ZNG1A: variants seen among roughly 807,000 people sequenced by gnomAD.
ZNG1A encodes zinc-regulated GTPase metalloprotein activator 1A.
At chr9:133,310 G>A in the ZNG1A span, among the ~76,000 whole-genome samples, 3 of 66,060 alleles carry the variant, frequency 4.5e-5, 1 homozygote, top group African/African-American at 1.9e-4. Flanking sequence ...TCCTACAGAG[G>A]TTACAAAAAT....
the ZNG1A span, among the ~76,000 whole-genome samples, chr9:175,235 G>A: frequency 2.0e-5 from 3 of 151,986 alleles, no homozygotes; most frequent in African/African-American, 4.8e-5. Flanking sequence ...AAAATTATCT[G>A]GGCATGGTGG....
At chr9:178,229 T>G in the ZNG1A span, among the ~76,000 whole-genome samples, 1 of 150,678 alleles carries the variant, frequency 6.6e-6, no homozygotes, top group African/African-American at 2.5e-5. Context: ...CGTTCTTAGT[T>G]TGAGAAATAG....
chr9:128,411 TA>T, the ZNG1A span, among the ~76,000 whole-genome samples: 1 of 152,018 alleles, frequency 6.6e-6, no homozygotes, highest in Non-Finnish European at 1.5e-5. Flanking sequence ...TGGATTCGGT[TA>T]ATTAGGAGAC....
chr9:127,042 G>A, the ZNG1A span, among the ~76,000 whole-genome samples: 1 of 152,112 alleles, frequency 6.6e-6, no homozygotes. Context: ...GTCTGACAGA[G>A]TGCTTGATAT....
the ZNG1A span, chr9:160,251 T>C: frequency 2.2e-6 from 1 of 450,824 alleles, no homozygotes; most frequent in East Asian, 6.9e-5. Context: ...GGCCACAGGG[T>C]ACCATTTCTC....
At chr9:168,553 G>A in the ZNG1A span, among the ~76,000 whole-genome samples, 2 of 150,270 alleles carry the variant, frequency 1.3e-5, no homozygotes, top group Non-Finnish European at 2.9e-5. Context: ...AGCCCGGCCA[G>A]CAACAGATTT....
the ZNG1A span, among the ~76,000 whole-genome samples, chr9:173,722 T>C: frequency 6.6e-6 from 1 of 152,146 alleles, no homozygotes; most frequent in African/African-American, 2.4e-5. Context: ...TTTTATATAC[T>C]GGATTTTGTA....
At chr9:166,248 G>A in the ZNG1A span, 22,161 of 133,554 alleles carry the variant, frequency 0.17, 1,589 homozygotes, top group East Asian at 0.34. Context: ...AGAGAGCAGA[G>A]CCTAAAAGCC....
the ZNG1A span, among the ~76,000 whole-genome samples, chr9:174,309 C>T: frequency 6.6e-6 from 1 of 152,016 alleles, no homozygotes; most frequent in Non-Finnish European, 1.5e-5. Flanking sequence ...CAGTGAAGTT[C>T]TAAAAGCCCA....
At chr9:121,505 A>T in the ZNG1A span, 2 of 1,611,506 alleles carry the variant, frequency 1.2e-6, no homozygotes, top group Non-Finnish European at 8.5e-7. Context: ...CGTGTTGTCC[A>T]CTGCTTTTCT....
At chr9:127,040 G>C in the ZNG1A span, among the ~76,000 whole-genome samples, 1 of 152,134 alleles carries the variant, frequency 6.6e-6, no homozygotes, top group Non-Finnish European at 1.5e-5. Flanking sequence ...TGGTCTGACA[G>C]AGTGCTTGAT....
chr9:139,709 G>C, the ZNG1A span, among the ~76,000 whole-genome samples: 2 of 151,702 alleles, frequency 1.3e-5, no homozygotes, highest in Non-Finnish European at 2.9e-5. Context: ...CAGCGTGAGA[G>C]ACGCAGAAGA....
chr9:124,556 CAT>C, the ZNG1A span, among the ~76,000 whole-genome samples: 1 of 99,238 alleles, frequency 1.0e-5, no homozygotes, highest in Admixed American at 1.1e-4. Context: ...TAGGCAGAAA[CAT>C]ATGAGACATT....
chr9:147,180 G>GAAAAAAAAA, the ZNG1A span: 1 of 99,262 alleles, frequency 1.0e-5, no homozygotes, highest in African/African-American at 4.8e-5. Context: ...CGCCTCAAAA[G>GAAAAAAAAA]AAAAAAAAAA....
At chr9:148,601 A>G in the ZNG1A span, 1 of 127,652 alleles carries the variant, frequency 7.8e-6, no homozygotes, top group Admixed American at 8.4e-5. Context: ...AAAAGAAAAA[A>G]AAGACCATTA....
chr9:159,905 G>T, the ZNG1A span: 1 of 362,184 alleles, frequency 2.8e-6, no homozygotes, highest in African/African-American at 2.2e-5. Context: ...TCTATTTATT[G>T]TTCTGGCCTT....
At chr9:165,379 A>C in the ZNG1A span, among the ~76,000 whole-genome samples, 1 of 148,520 alleles carries the variant, frequency 6.7e-6, no homozygotes, top group Non-Finnish European at 1.5e-5. Context: ...TTGCCTCTTA[A>C]GTTGAAATGT....
chr9:121,312 G>A, the ZNG1A span: 2 of 816,846 alleles, frequency 2.4e-6, no homozygotes, highest in Non-Finnish European at 3.9e-6. Context: ...ATGTTTTACA[G>A]TACTGATTTG....
At chr9:175,246 C>G in the ZNG1A span, among the ~76,000 whole-genome samples, 1 of 151,884 alleles carries the variant, frequency 6.6e-6, no homozygotes, top group Admixed American at 6.6e-5. Context: ...GGCATGGTGG[C>G]GCACGCCTGT....
Sources: gnomAD v4.1 joint callset for allele counts (sites outside exome capture counted in the v4.1 genomes callset) on GRCh38, gnomAD v4.1.1 for gene constraint, MANE v1.5 for transcripts, NCBI Gene and HGNC (gene_info 2026-07-23, HGNC 2026-07-21) for gene names.